Variants in DSCAM observed in about 807,000 individuals in gnomAD.
The protein encoded by DSCAM is cell adhesion molecule DSCAM.
In DSCAM, 47 loss-of-function variants were observed where a neutral mutation model predicts 217.7. The ratio of observed to expected loss-of-function variants is 0.22; its 90% confidence interval spans 0.17 to 0.28. The LOEUF (loss-of-function observed/expected upper bound fraction) is 0.28. DSCAM is among the 10% of genes least tolerant of loss of function. The pLI is 1.00. For missense variants in DSCAM, 2,080 were observed against 2,618.3 expected (o/e 0.79, Z 4.49); for synonymous variants, 1,056 against 1,015.3 (o/e 1.04, Z -0.76).
chr21:40,532,463 A>G (rs551899974), intron 3 of DSCAM, among the ~76,000 whole-genome samples: 3 of 152,248 alleles, frequency 2.0e-5, no homozygotes, highest in South Asian at 2.1e-4. Context: ...AAAACAACAC[A>G]TAAATAAGCA....
At chr21:40,420,694 G>T (rs906723687) in intron 3 of DSCAM, among the ~76,000 whole-genome samples, 1 of 152,126 alleles carries the variant, frequency 6.6e-6, no homozygotes, top group Admixed American at 6.6e-5. Context: ...CAATATGCCT[G>T]GTATCTTTAT....
intron 1 of DSCAM, among the ~76,000 whole-genome samples, chr21:40,803,038 T>C (rs1326686176): frequency 6.6e-6 from 1 of 152,188 alleles, no homozygotes; most frequent in Non-Finnish European, 1.5e-5. Flanking sequence ...TTTACAATGA[T>C]GAAAATCTGT....
In DSCAM at chr21:40,838,603, T is replaced by A. The variant is rs2092075339; in HGVS notation, c.43+8016A>T. Reference sequence around the variant, plus strand: ...TGTTTTATTTTCAGTGTGAAAAAAGTGTAAATTTTATGTAAAACCAGACTT... The same window carrying A: ...TGTTTTATTTTCAGTGTGAAAAAAGAGTAAATTTTATGTAAAACCAGACTT... On this transcript the variant is annotated intron_variant, in intron 1 of 32. Transcript: ENST00000400454. Among the ~76,000 whole-genome samples the A allele has an allele frequency of 2.0e-5, 3 of 152,372 alleles. No homozygotes were observed. In the Middle Eastern group the frequency reaches 0.01, roughly 518 times the overall value.
chr21:40,035,749 G>C (rs1190649955), intron 32 of DSCAM, among the ~76,000 whole-genome samples: 1 of 150,008 alleles, frequency 6.7e-6, no homozygotes, highest in Non-Finnish European at 1.5e-5. Flanking sequence ...TTCCAAAATT[G>C]ACCACATACT....
At chr21:40,474,928 C>A (rs1362015140) in intron 3 of DSCAM, among the ~76,000 whole-genome samples, 1 of 151,974 alleles carries the variant, frequency 6.6e-6, no homozygotes, top group Non-Finnish European at 1.5e-5. Context: ...GGCACCTAGG[C>A]CAGAGACCTT....
chr21:40,361,071 C>T (rs1318772914), intron 4 of DSCAM, among the ~76,000 whole-genome samples: 1 of 151,928 alleles, frequency 6.6e-6, no homozygotes, highest in Non-Finnish European at 1.5e-5. Context: ...AACCGAACGG[C>T]ATTGTCTTTC....
At chr21:40,095,954 C>T (rs570681742) in intron 20 of DSCAM, among the ~76,000 whole-genome samples, 5 of 152,070 alleles carry the variant, frequency 3.3e-5, no homozygotes, top group South Asian at 2.1e-4. Flanking sequence ...TTAGCAGCAG[C>T]GTAGATATTG....
intron 11 of DSCAM, among the ~76,000 whole-genome samples, chr21:40,271,404 T>C (rs1488000412): frequency 6.6e-6 from 1 of 152,148 alleles, no homozygotes; most frequent in Non-Finnish European, 1.5e-5. Flanking sequence ...TTGTTCACTG[T>C]GGGCCACAGG....
In DSCAM at chr21:40,044,173, G is replaced by T. The variant is rs1307477876; in HGVS notation, c.5288C>A (p.Thr1763Asn). The T allele has an allele frequency of 1.2e-6, 2 of 1,614,048 alleles. No individual in the cohort carries two copies. The highest frequency in any genetic ancestry group is 1.7e-6 in the Non-Finnish European group (2 of 1,180,038). ...NRPHPTISAHTLTTDWRLPTP... is the reference protein window; with the variant it reads ...NRPHPTISAHNLTTDWRLPTP... ...TGGCAGCCTCCAGTCTGTGGTGAGG[G>T]TGTGTGCTGAGATGGTGGGGTGGGG... Residue 1763 changes from threonine (T) to asparagine (N), a missense_variant, in exon 31 of 33, where the codon ACC (threonine) becomes AAC (asparagine). Thr to Asn is a moderately conservative substitution (Grantham distance 65). Coordinates refer to ENST00000400454, the MANE Select transcript of DSCAM (RefSeq NM_001389.5).
At chr21:40,568,046 T>C (rs1314346308) in intron 3 of DSCAM, among the ~76,000 whole-genome samples, 2 of 152,162 alleles carry the variant, frequency 1.3e-5, no homozygotes, top group Non-Finnish European at 2.9e-5. Context: ...CTTGATAGTG[T>C]AGATAATCAG....
At chr21:40,230,574 T>C (rs1006899485) in intron 11 of DSCAM, among the ~76,000 whole-genome samples, 2 of 152,206 alleles carry the variant, frequency 1.3e-5, no homozygotes, top group South Asian at 2.1e-4. Context: ...TTTTTGAATA[T>C]ATGGATTTAT....
intron 3 of DSCAM, among the ~76,000 whole-genome samples, chr21:40,377,961 G>C (rs1423827549): frequency 3.3e-5 from 5 of 152,134 alleles, no homozygotes; most frequent in African/African-American, 1.2e-4. Flanking sequence ...GTAAGAACCT[G>C]ACAGAGAAAA....
At chr21:40,815,862 A>T (rs1330642842) in intron 1 of DSCAM, among the ~76,000 whole-genome samples, 1 of 152,232 alleles carries the variant, frequency 6.6e-6, no homozygotes, top group East Asian at 1.9e-4. Context: ...AGAGGACTAC[A>T]GTGAGACTGA....
intron 1 of DSCAM, among the ~76,000 whole-genome samples, chr21:40,716,937 C>T (rs1324005973): frequency 2.0e-5 from 3 of 152,070 alleles, no homozygotes; most frequent in African/African-American, 7.2e-5. Context: ...GCAACAGAAG[C>T]ATAAGTGATA....
intron 1 of DSCAM, among the ~76,000 whole-genome samples, chr21:40,828,183 G>C (rs533254060): frequency 5.3e-5 from 8 of 152,094 alleles, no homozygotes; most frequent in African/African-American, 1.9e-4. Context: ...CGGGGGGACT[G>C]TTTGAGCCCA....
At chr21:40,569,632 C>T (rs1479953952) in intron 3 of DSCAM, among the ~76,000 whole-genome samples, 2 of 152,290 alleles carry the variant, frequency 1.3e-5, no homozygotes, top group East Asian at 3.9e-4. Flanking sequence ...TCAAGCGCTT[C>T]CTCTTCAGAT....
At chr21:40,704,335 T>C (rs747446132) in intron 2 of DSCAM, among the ~76,000 whole-genome samples, 3 of 152,176 alleles carry the variant, frequency 2.0e-5, no homozygotes, top group Admixed American at 6.5e-5. Context: ...CATTTAAATT[T>C]CCCCCATATC....
intron 11 of DSCAM, among the ~76,000 whole-genome samples, chr21:40,262,486 T>C (rs993976199): frequency 9.9e-5 from 15 of 152,132 alleles, no homozygotes; most frequent in African/African-American, 3.6e-4. Flanking sequence ...GTAATAATTA[T>C]AGCAACAGAA....
chr21:40,738,788 A>G (rs1479720171), intron 1 of DSCAM, among the ~76,000 whole-genome samples: 1 of 152,208 alleles, frequency 6.6e-6, no homozygotes, highest in East Asian at 1.9e-4. Flanking sequence ...AAAGTCCTAG[A>G]ACCAGATAGC....
Sources: gnomAD v4.1 joint callset for allele counts (sites outside exome capture counted in the v4.1 genomes callset) on GRCh38, gnomAD v4.1.1 for gene constraint, MANE v1.5 for transcripts, NCBI Gene and HGNC (gene_info 2026-07-23, HGNC 2026-07-21) for gene names.